The following PCDH11X variants were observed in gnomAD, a reference collection of about 807,000 sequenced individuals.
The protein encoded by PCDH11X is protocadherin-11 X-linked.
In PCDH11X, 18 loss-of-function variants were observed where a neutral mutation model predicts 53.3. The observed-to-expected ratio is 0.34, with a 90% CI of 0.23 to 0.50. PCDH11X has a LOEUF of 0.50. Among genes scored for constraint, PCDH11X ranks in the 20% least tolerant of loss-of-function variants. The pLI, the probability that PCDH11X is intolerant of heterozygous loss-of-function variation, is 0.98. For synonymous variants in PCDH11X, 279 were observed against 393.3 expected (o/e 0.71, Z 3.44); for missense variants, 570 against 1,032.4 (o/e 0.55, Z 6.14).
chrX:92,034,244 T>C (rs2063094617), intron 6 of PCDH11X, among the ~76,000 whole-genome samples: 1 of 111,776 alleles, frequency 8.9e-6, no homozygotes, highest in Admixed American at 9.6e-5. Flanking sequence ...TGAAATGTTC[T>C]GTAAATATCT....
intron 9 of PCDH11X, among the ~76,000 whole-genome samples, chrX:92,464,777 A>G (rs192094775): frequency 0.02 from 2,176 of 108,338 alleles, 52 homozygotes; most frequent in African/African-American, 0.057. Context: ...ATTATACATC[A>G]AGAAGAATTG....
intron 6 of PCDH11X, among the ~76,000 whole-genome samples, chrX:92,196,889 T>C (rs1396258948): frequency 9.0e-6 from 1 of 110,785 alleles, no homozygotes; most frequent in African/African-American, 3.3e-5. Context: ...AAAGAATGAA[T>C]CACATGGTGA....
At chrX:92,368,322 G>A (rs889788863) in intron 8 of PCDH11X, among the ~76,000 whole-genome samples, 2 of 111,288 alleles carry the variant, frequency 1.8e-5, no homozygotes, top group African/African-American at 3.3e-5. Context: ...CAAAGTTCTC[G>A]TGCTGTGTTT....
intron 8 of PCDH11X, among the ~76,000 whole-genome samples, chrX:92,267,625 C>T (rs763935891): frequency 9.3e-4 from 104 of 112,297 alleles, no homozygotes; most frequent in Middle Eastern, 4.6e-3. Context: ...ACAGTGCAGA[C>T]GTGTTTGGAG....
intron 10 of PCDH11X, among the ~76,000 whole-genome samples, chrX:92,502,051 C>T (rs1043521791): frequency 9.0e-6 from 1 of 110,541 alleles, no homozygotes; most frequent in African/African-American, 3.3e-5. Flanking sequence ...GTGCAAAAAT[C>T]GCTAGCATCC....
At chrX:92,290,211 G>A (rs1480905621) in intron 8 of PCDH11X, among the ~76,000 whole-genome samples, 1 of 111,355 alleles carries the variant, frequency 9.0e-6, no homozygotes, top group Admixed American at 9.6e-5. Context: ...ATGTATATTA[G>A]GGATGATCAG....
At chrX:91,808,426 C>T (rs1297582881) in intron 1 of PCDH11X, among the ~76,000 whole-genome samples, 2 of 107,914 alleles carry the variant, frequency 1.9e-5, no homozygotes, top group Non-Finnish European at 3.8e-5. Flanking sequence ...ACCCGGGAGA[C>T]GGAGGTTGCA....
chrX:92,408,731 T>C (rs978674250), intron 9 of PCDH11X, among the ~76,000 whole-genome samples: 31 of 110,118 alleles, frequency 2.8e-4, no homozygotes, highest in Admixed American at 2.6e-3. Flanking sequence ...TACAGGTGCC[T>C]GCCACCATGC....
intron 8 of PCDH11X, among the ~76,000 whole-genome samples, chrX:92,323,627 G>T (rs1401224677): frequency 1.8e-5 from 2 of 110,103 alleles, no homozygotes; most frequent in Non-Finnish European, 3.8e-5. Context: ...CAATGTGCAG[G>T]TTAGTTACAT....
At chrX:92,612,329 G>A (rs1231099459) in intron 10 of PCDH11X, among the ~76,000 whole-genome samples, 1 of 108,288 alleles carries the variant, frequency 9.2e-6, no homozygotes, top group African/African-American at 3.4e-5. Flanking sequence ...TCAATCTTGG[G>A]CGATTGTGTG....
intron 5 of PCDH11X, among the ~76,000 whole-genome samples, chrX:91,854,019 A>G (rs1029565596): frequency 4.5e-5 from 5 of 111,481 alleles, no homozygotes. Context: ...ACACAATCCA[A>G]TGATACTTTT....
chrX:92,263,199 T>A (rs1351535884), intron 8 of PCDH11X, 56 bp downstream of exon 8: 30 of 1,000,150 alleles, frequency 3.0e-5, no homozygotes, highest in Non-Finnish European at 4.1e-5. Context: ...TTATACTGTG[T>A]GAAGCTACAG....
At chrX:92,152,733 AT>A (rs1380521593) in intron 6 of PCDH11X, among the ~76,000 whole-genome samples, 1 of 105,805 alleles carries the variant, frequency 9.5e-6, no homozygotes, top group Non-Finnish European at 1.9e-5. Context: ...TTTAAAAAAT[AT>A]TTTCTATATT....
chrX:92,354,561 A>C (rs2070143255), intron 8 of PCDH11X, among the ~76,000 whole-genome samples: 1 of 111,259 alleles, frequency 9.0e-6, no homozygotes, highest in South Asian at 3.8e-4. Flanking sequence ...ACCTGGATTT[A>C]CATGAACAAG....
chrX:91,841,071 C>T (rs934637201), intron 5 of PCDH11X, among the ~76,000 whole-genome samples: 3 of 110,258 alleles, frequency 2.7e-5, no homozygotes, highest in South Asian at 3.8e-4. Context: ...CAAATGCTAA[C>T]GACTATGAGG....
At chrX:92,340,651 C>T (rs983437115) in intron 8 of PCDH11X, among the ~76,000 whole-genome samples, 1 of 111,861 alleles carries the variant, frequency 8.9e-6, no homozygotes, top group African/African-American at 3.3e-5. Context: ...TGTGAGGAGT[C>T]GTGTCCCAAG....
intron 6 of PCDH11X, among the ~76,000 whole-genome samples, chrX:92,039,140 C>A (rs2063173145): frequency 8.9e-6 from 1 of 111,764 alleles, no homozygotes; most frequent in Non-Finnish European, 1.9e-5. Context: ...GCCACCAACA[C>A]TGTGACTGTG....
intron 9 of PCDH11X, among the ~76,000 whole-genome samples, chrX:92,421,002 G>A (rs966419709): frequency 4.5e-5 from 5 of 111,090 alleles, no homozygotes; most frequent in African/African-American, 9.8e-5. Context: ...TTCTCTCTCT[G>A]TTCTTCAGAT....
intron 6 of PCDH11X, among the ~76,000 whole-genome samples, chrX:91,917,569 CAAAA>C (rs59199030): frequency 9.4e-4 from 15 of 15,887 alleles, no homozygotes; most frequent in East Asian, 3.9e-3. Context: ...ACAGCAGCTG[CAAAA>C]AAAAAAAAAA....
Sources: allele counts gnomAD v4.1 joint callset (sites outside exome capture counted in the v4.1 genomes callset), GRCh38; gene constraint gnomAD v4.1.1; transcripts MANE v1.5; gene names NCBI Gene and HGNC (gene_info 2026-07-23, HGNC 2026-07-21).